PRKCB: variants seen among roughly 807,000 people sequenced by gnomAD.
PRKCB encodes the protein protein kinase C beta.
PRKCB carries 13 observed loss-of-function variants against 81.5 expected under a neutral mutation model. The observed-to-expected ratio is 0.16, with a 90% CI of 0.10 to 0.25. The LOEUF (loss-of-function observed/expected upper bound fraction) is 0.25. Among genes scored for constraint, PRKCB ranks in the 10% least tolerant of loss-of-function variants. The pLI is 1.00. For missense variants in PRKCB, 509 were observed against 875.7 expected (o/e 0.58, Z 5.29); for synonymous variants, 335 against 321.4 (o/e 1.04, Z -0.45).
At chr16:23,965,654 A>G (rs575089143) in intron 2 of PRKCB, among the ~76,000 whole-genome samples, 1 of 152,358 alleles carries the variant, frequency 6.6e-6, no homozygotes, top group Admixed American at 6.5e-5. Flanking sequence ...TCAAAATGCA[A>G]CATCGCTGTG....
At chr16:24,091,122 ATCTTTGTCTTAT>A (rs1966371369) in intron 5 of PRKCB, among the ~76,000 whole-genome samples, 1 of 152,164 alleles carries the variant, frequency 6.6e-6, no homozygotes, top group Non-Finnish European at 1.5e-5. Context: ...GGTAATGGAT[ATCTTTGTCTTAT>A]TCCTTACTTT....
intron 13 of PRKCB, 88 bp from the exon 14 acceptor site, chr16:24,185,023 T>C: frequency 9.1e-7 from 1 of 1,104,324 alleles, no homozygotes; most frequent in Admixed American, 1.7e-5. Context: ...AGGTGGGCAC[T>C]GGCCTTCTTG....
rs145100248 is a variant in PRKCB, at chr16:24,031,738, G to A, written c.289-398G>A. On this transcript the variant is annotated intron_variant, in intron 3 of 16. Coordinates refer to ENST00000643927, the MANE Select transcript of PRKCB (RefSeq NM_002738.7). Reference sequence around the variant, plus strand: ...ACTTGGGTTTTTGATCACTGCAGAAGCATGCTTGGAGAATAAAGGTGGGGA... The same window carrying A: ...ACTTGGGTTTTTGATCACTGCAGAAACATGCTTGGAGAATAAAGGTGGGGA... Among the ~76,000 whole-genome samples, 1,453 of 152,302 alleles carry A rather than the reference G, an allele frequency of 9.5e-3. 24 individuals carry two copies. Among genetic ancestry groups the A allele is most frequent in the African/African-American group, 0.033 (1,379 of 41,550 alleles).
intron 3 of PRKCB, 43 bp downstream of exon 3, chr16:23,988,633 T>C (rs776856807): frequency 6.5e-7 from 1 of 1,534,792 alleles, no homozygotes; most frequent in South Asian, 1.1e-5. Context: ...CCACAGTCAA[T>C]GCTGCCTTGT....
intron 3 of PRKCB, among the ~76,000 whole-genome samples, chr16:24,000,408 A>G (rs1965016755): frequency 2.0e-5 from 3 of 152,218 alleles, no homozygotes; most frequent in Admixed American, 6.5e-5. Context: ...GGTGGTTAAG[A>G]GTATGGACTC....
intron 5 of PRKCB, among the ~76,000 whole-genome samples, chr16:24,039,781 G>A (rs1386560169): frequency 2.0e-5 from 3 of 152,216 alleles, no homozygotes; most frequent in Non-Finnish European, 4.4e-5. Context: ...GAGCTGGGCA[G>A]GGTCCAACAG....
chr16:24,196,994 G>A (rs552770796), intron 16 of PRKCB, among the ~76,000 whole-genome samples: 2 of 152,330 alleles, frequency 1.3e-5, no homozygotes, highest in Admixed American at 6.5e-5. Context: ...CTGAGTGCAT[G>A]ATGGAGCAGT....
At chr16:23,911,711 G>A (rs1266206162) in intron 2 of PRKCB, among the ~76,000 whole-genome samples, 1 of 152,000 alleles carries the variant, frequency 6.6e-6, no homozygotes, top group Non-Finnish European at 1.5e-5. Flanking sequence ...AGCCTGTGGT[G>A]CCTCTGTTCC....
intron 9 of PRKCB, among the ~76,000 whole-genome samples, chr16:24,151,014 G>A (rs931558751): frequency 6.6e-6 from 1 of 152,140 alleles, no homozygotes; most frequent in Non-Finnish European, 1.5e-5. Flanking sequence ...CCTACGATGC[G>A]GAGCACATAG....
At chr16:24,179,211 C>A (rs1233324286) in intron 12 of PRKCB, among the ~76,000 whole-genome samples, 1 of 152,222 alleles carries the variant, frequency 6.6e-6, no homozygotes, top group East Asian at 1.9e-4. Flanking sequence ...CTGTGACCAG[C>A]AGGATGGAAT....
chr16:23,952,895 C>T lies in PRKCB; in HGVS notation c.206-35613C>T, dbSNP rs563873839. On this transcript the variant is annotated intron_variant, in intron 2 of 16. Coordinates refer to ENST00000643927, the MANE Select transcript of PRKCB (RefSeq NM_002738.7). ...CTATGGGAGTGTTTGGATACCATGC[C>T]GCCTGAATTGGCAGGTTTAGGAGTG... Among the ~76,000 whole-genome samples, 6 of 152,244 alleles carry T rather than the reference C, an allele frequency of 3.9e-5. No homozygotes were observed. In the South Asian group the frequency reaches 8.3e-4, roughly 21 times the overall value.
At chr16:24,068,376 T>C (rs1463369091) in intron 5 of PRKCB, among the ~76,000 whole-genome samples, 3 of 151,690 alleles carry the variant, frequency 2.0e-5, no homozygotes, top group African/African-American at 7.3e-5. Flanking sequence ...GCCCCAAGAA[T>C]AAGCTTCAAG....
At chr16:23,870,087 G>T (rs1962879465) in intron 2 of PRKCB, among the ~76,000 whole-genome samples, 1 of 151,486 alleles carries the variant, frequency 6.6e-6, no homozygotes, top group Admixed American at 6.6e-5. Context: ...TGGCAGACAA[G>T]AATCTGATTT....
intron 10 of PRKCB, among the ~76,000 whole-genome samples, chr16:24,162,418 A>G (rs542560361): frequency 1.1e-4 from 16 of 150,552 alleles, no homozygotes; most frequent in African/African-American, 3.4e-4. Flanking sequence ...ACTGGCTCCA[A>G]TAGCTCCAAA....
intron 2 of PRKCB, among the ~76,000 whole-genome samples, chr16:23,956,319 T>A (rs959187006): frequency 1.3e-5 from 2 of 152,110 alleles, no homozygotes; most frequent in Non-Finnish European, 2.9e-5. Flanking sequence ...GAGATGGGGT[T>A]TTGCCCTGTT....
chr16:24,093,057 C>T (rs1966396263), intron 6 of PRKCB, 110 bp downstream of exon 6: 1 of 1,165,464 alleles, frequency 8.6e-7, no homozygotes, highest in Non-Finnish European at 1.2e-6. Context: ...TTCCCTACCT[C>T]CCTCCTTTTC....
chr16:23,871,869 T>G (rs1337577593), intron 2 of PRKCB, among the ~76,000 whole-genome samples: 4 of 151,872 alleles, frequency 2.6e-5, no homozygotes, highest in Non-Finnish European at 5.9e-5. Flanking sequence ...TTTTTTTTTT[T>G]TTTTTTTTTT....
At chr16:24,021,349 TCCTTCCTCCTTCCCTCCCTC>T (rs1965398961) in intron 3 of PRKCB, among the ~76,000 whole-genome samples, 1 of 29,596 alleles carries the variant, frequency 3.4e-5, no homozygotes, top group Non-Finnish European at 5.8e-5. Flanking sequence ...CTTCCTTCCT[TCCTTCCTCCTTCCCTCCCTC>T]CCTCCCCCCT....
intron 2 of PRKCB, among the ~76,000 whole-genome samples, chr16:23,845,541 A>G (rs1962353220): frequency 6.6e-6 from 1 of 152,156 alleles, no homozygotes; most frequent in African/African-American, 2.4e-5. Flanking sequence ...AGCACTCCGG[A>G]AGGCCAAGGC....
Sources: allele counts gnomAD v4.1 joint callset (sites outside exome capture counted in the v4.1 genomes callset), GRCh38; gene constraint gnomAD v4.1.1; transcripts MANE v1.5; gene names NCBI Gene and HGNC (gene_info 2026-07-23, HGNC 2026-07-21).